FANCC: variants seen among roughly 807,000 people sequenced by gnomAD.
The protein encoded by FANCC is Fanconi anemia group C protein.
A neutral mutation model predicts 71.3 loss-of-function variants in FANCC; 55 were observed. That is an observed-to-expected ratio of 0.77 (90% confidence interval 0.62 to 0.97). The LOEUF (loss-of-function observed/expected upper bound fraction) is 0.97, where lower values mean the gene tolerates loss of function less well. FANCC is among the 50% of genes least tolerant of loss of function. The pLI is 0.00. For missense variants in FANCC, 678 were observed against 670.9 expected (o/e 1.01, Z -0.12); for synonymous variants, 275 against 244.9 (o/e 1.12, Z -1.15).
chr9:95,175,928 G>C (rs1825987732), intron 4 of FANCC, among the ~76,000 whole-genome samples: 1 of 152,246 alleles, frequency 6.6e-6, no homozygotes, highest in Non-Finnish European at 1.5e-5. Flanking sequence ...CTCCAAGTCG[G>C]CAGCAGTCTG....
intron 4 of FANCC, among the ~76,000 whole-genome samples, chr9:95,233,961 C>T (rs917339233): frequency 5.9e-5 from 9 of 152,252 alleles, no homozygotes; most frequent in South Asian, 2.1e-4. Flanking sequence ...AGGAGCCCTC[C>T]GGTTCCCACT....
Position 95,149,964 on chromosome 9 carries a change from G to A in FANCC, c.645C>T (p.Leu215=). The A allele has an allele frequency of 1.9e-6, 3 of 1,612,064 alleles. No individual in the cohort carries two copies. In the South Asian group the frequency reaches 3.3e-5, roughly 18 times the overall value. Residue 215 remains leucine, a synonymous_variant, in exon 7 of 15, where the codon CTC becomes CTT. Coordinates refer to ENST00000289081, the MANE Select transcript of FANCC (RefSeq NM_000136.3). ...TTACAGCCTCAAAGAACTCTGGCTGGAGGATTTCCTGAGGTTCACGTCCAT... is the reference window on the plus strand; with the variant it reads ...TTACAGCCTCAAAGAACTCTGGCTGAAGGATTTCCTGAGGTTCACGTCCAT... ...ICHGREPQEI[L]QPEFFEAVNE...
chr9:95,149,004 G>T (rs1829932244), intron 7 of FANCC, among the ~76,000 whole-genome samples: 2 of 151,906 alleles, frequency 1.3e-5, no homozygotes, highest in Admixed American at 1.3e-4. Flanking sequence ...GCAGATATGA[G>T]AATTCAGCAG....
chr9:95,283,532 T>C (rs547260278), intron 1 of FANCC, among the ~76,000 whole-genome samples: 2 of 152,190 alleles, frequency 1.3e-5, no homozygotes, highest in Non-Finnish European at 2.9e-5. Flanking sequence ...CTGAACCCAC[T>C]CTTCAAAGTT....
intron 7 of FANCC, among the ~76,000 whole-genome samples, chr9:95,137,979 C>T (rs1324539089): frequency 3.3e-5 from 5 of 152,230 alleles, no homozygotes; most frequent in African/African-American, 7.2e-5. Flanking sequence ...TGATCCCAGG[C>T]GGCGGCCCAG....
chr9:95,192,574 C>T lies in FANCC; in HGVS notation c.346-20427G>A, dbSNP rs58858709. On this transcript the variant is annotated intron_variant, in intron 4 of 14. Coordinates refer to ENST00000289081, the MANE Select transcript of FANCC (RefSeq NM_000136.3). ...AATGAACAAACTATAGAACACCATT[C>T]AAATATGTTATTAAATATAACGTCT... Among the ~76,000 whole-genome samples the T allele has an allele frequency of 3.0e-3, 459 of 152,246 alleles. 3 individuals carry two copies. Among genetic ancestry groups the T allele is most frequent in the African/African-American group, 0.011 (439 of 41,544 alleles).
At chr9:95,247,347 G>T in intron 3 of FANCC, 85 bp downstream of exon 3, 1 of 985,890 alleles carries the variant, frequency 1.0e-6, no homozygotes, top group Non-Finnish European at 1.6e-6. Flanking sequence ...AAAAAAACTA[G>T]GAGAAAGGTT....
intron 1 of FANCC, among the ~76,000 whole-genome samples, chr9:95,258,125 G>A (rs531879835): frequency 6.6e-6 from 1 of 152,256 alleles, no homozygotes; most frequent in South Asian, 2.1e-4. Flanking sequence ...AGAGAAGCTG[G>A]TACCATTCCT....
At chr9:95,221,048 G>A (rs1009202922) in intron 4 of FANCC, among the ~76,000 whole-genome samples, 3 of 151,738 alleles carry the variant, frequency 2.0e-5, no homozygotes, top group Admixed American at 2.0e-4. Context: ...TGGCCAACAT[G>A]GTGAAATCCC....
At chr9:95,130,074 G>A (rs1389286699) in intron 8 of FANCC, among the ~76,000 whole-genome samples, 1 of 152,138 alleles carries the variant, frequency 6.6e-6, no homozygotes, top group Non-Finnish European at 1.5e-5. Flanking sequence ...TGGAAGAGAG[G>A]CAAGGGAGAG....
intron 7 of FANCC, among the ~76,000 whole-genome samples, chr9:95,139,976 G>C (rs1002109676): frequency 6.6e-6 from 1 of 151,518 alleles, no homozygotes; most frequent in Non-Finnish European, 1.5e-5. Context: ...GAAACGCTAA[G>C]GTTGTCCTTT....
intron 1 of FANCC, among the ~76,000 whole-genome samples, chr9:95,263,861 T>C (rs928115121): frequency 6.6e-6 from 1 of 152,164 alleles, no homozygotes. Flanking sequence ...TATCAAACTG[T>C]AGGAACAGGT....
At chr9:95,301,325 TATC>T (rs2136362831) in intron 1 of FANCC, among the ~76,000 whole-genome samples, 1 of 152,306 alleles carries the variant, frequency 6.6e-6, no homozygotes, top group African/African-American at 2.4e-5. Context: ...ATATTTATAA[TATC>T]ATAACATTTT....
In FANCC at chr9:95,187,006, T is replaced by C. The variant is rs143901325; in HGVS notation, c.346-14859A>G. Among the ~76,000 whole-genome samples the C allele has an allele frequency of 6.0e-4, 92 of 152,242 alleles. 1 individual carries two copies. Among genetic ancestry groups the C allele is most frequent in the Non-Finnish European group, 1.0e-3 (68 of 68,008 alleles). On this transcript the variant is annotated intron_variant, in intron 4 of 14. Transcript: ENST00000289081. ...GGAGTTTCACCACATGGTCTCAAAC[T>C]CCTTACCTCAGGTGCCTTGACCTCC...
rs911460029 is a variant in FANCC at position 95,099,905 on chromosome 9, G to A, written c.*1802C>T. On this transcript the variant is annotated 3_prime_UTR_variant, in exon 15 of 15. Transcript: ENST00000289081. ...GGGCATGGGCAGAGGCCTGGCAGGG[G>A]AGGAGGAAGAGGCCAACCCTGTACA... 1 of 233,248 alleles carries A rather than the reference G, an allele frequency of 4.3e-6. No individual in the cohort carries two copies. Among genetic ancestry groups the A allele is most frequent in the Non-Finnish European group, 8.5e-6 (1 of 118,104 alleles). The allele number at this position is 233,248 out of a possible 1,614,324, so 14.4% of individuals were successfully genotyped here. A position where few individuals can be genotyped will look rare whatever the true frequency, so the allele number is the denominator to read the frequency against.
chr9:95,233,297 A>T (rs1302562904), intron 4 of FANCC, among the ~76,000 whole-genome samples: 1 of 152,212 alleles, frequency 6.6e-6, no homozygotes, highest in African/African-American at 2.4e-5. Flanking sequence ...GTTACTTAAA[A>T]GTAATAAAAA....
chr9:95,245,139 A>T (rs1188142641), intron 3 of FANCC, among the ~76,000 whole-genome samples: 1 of 152,162 alleles, frequency 6.6e-6, no homozygotes, highest in East Asian at 1.9e-4. Context: ...CAATTAATAA[A>T]TCCATGAAGC....
intron 1 of FANCC, among the ~76,000 whole-genome samples, chr9:95,299,068 A>G (rs1274545891): frequency 1.3e-5 from 2 of 152,360 alleles, no homozygotes; most frequent in Admixed American, 1.3e-4. Context: ...AAGTGTTGAC[A>G]GACAAAAAAT....
Position 95,100,449 on chromosome 9 carries a change from C to T in FANCC, c.*1258G>A, listed in dbSNP as rs2071035886. 4.3e-6 allele frequency: 1 copy of T among 231,578 alleles called. No homozygotes were observed. Among genetic ancestry groups the T allele is most frequent in the Admixed American group, 5.6e-5 (1 of 17,732 alleles). 14.3% of individuals were successfully genotyped at this position (231,578 alleles called of 1,614,324 possible). On this transcript the variant is annotated 3_prime_UTR_variant, in exon 15 of 15. Transcript: ENST00000289081. ...TAATCCAGCAAAACTTTGCTCATAC[C>T]TCAAAACGGAGCCAAGACTCAGACT... is the stretch of plus-strand genomic sequence containing the variant.
Sources: allele counts gnomAD v4.1 joint callset (sites outside exome capture counted in the v4.1 genomes callset), GRCh38; gene constraint gnomAD v4.1.1; transcripts MANE v1.5; gene names NCBI Gene and HGNC (gene_info 2026-07-23, HGNC 2026-07-21).